Variants in CDK5RAP2 observed in about 807,000 individuals in gnomAD.
CDK5RAP2 encodes CDK5 regulatory subunit associated protein 2.
In CDK5RAP2, 147 loss-of-function variants were observed where a neutral mutation model predicts 232.9. That is an observed-to-expected ratio of 0.63 (90% CI 0.55 to 0.72). The LOEUF (loss-of-function observed/expected upper bound fraction) is 0.72, where lower values mean the gene tolerates loss of function less well. Ranked by LOEUF, CDK5RAP2 falls within the 30% of genes least tolerant of loss-of-function variation. The pLI is 0.00. For missense variants in CDK5RAP2, 2,195 were observed against 2,231.5 expected, an observed-to-expected ratio of 0.98 and a Z score of 0.33; for synonymous variants, 833 against 833.7, an observed-to-expected ratio of 1.00 and a Z score of 0.01.
intron 4 of CDK5RAP2, among the ~76,000 whole-genome samples, chr9:120,548,130 A>G (rs1265043228): frequency 6.6e-5 from 10 of 152,256 alleles, no homozygotes; most frequent in Non-Finnish European, 1.5e-4. Context: ...CAAGAATTAA[A>G]GAAGTCATCT....
intron 12 of CDK5RAP2, among the ~76,000 whole-genome samples, chr9:120,502,607 CGTGAAAATGACCT>C (rs1449438902): frequency 6.6e-6 from 1 of 152,206 alleles, no homozygotes; most frequent in East Asian, 1.9e-4. Flanking sequence ...GAGTTGACAA[CGTGAAAATGACCT>C]GTTACAGAAT....
chr9:120,407,275 T>A, intron 31 of CDK5RAP2, 27 bp from the exon 32 acceptor site: 1 of 1,552,298 alleles, frequency 6.4e-7, no homozygotes, highest in Non-Finnish European at 8.9e-7. Flanking sequence ...AGAGAAGCCC[T>A]GACATCTTCC....
intron 31 of CDK5RAP2, chr9:120,407,612 G>A (rs1261508474): frequency 1.0e-5 from 2 of 193,080 alleles, no homozygotes; most frequent in South Asian, 1.1e-4. Context: ...ACAACAGCAA[G>A]AATAAAAAAA....
intron 2 of CDK5RAP2, among the ~76,000 whole-genome samples, chr9:120,570,218 T>TTCTC (rs1340200672): frequency 6.6e-6 from 1 of 152,060 alleles, no homozygotes; most frequent in African/African-American, 2.4e-5. Flanking sequence ...GCTAGTTTGT[T>TTCTC]TTCCTGTTCC....
intron 27 of CDK5RAP2, among the ~76,000 whole-genome samples, 196 bp downstream of exon 27, chr9:120,419,592 A>T (rs886195987): frequency 6.6e-6 from 1 of 152,220 alleles, no homozygotes; most frequent in African/African-American, 2.4e-5. Context: ...GCTTTTCCCC[A>T]ATCGCCAACA....
At chr9:120,411,288 T>C (rs2033829653) in intron 29 of CDK5RAP2, 70 bp downstream of exon 29, 1 of 941,068 alleles carries the variant, frequency 1.1e-6, no homozygotes, top group Non-Finnish European at 1.8e-6. Flanking sequence ...CAGACTCCAA[T>C]GCCTGCATTC....
At chr9:120,442,278 G>C (rs1057489533) in intron 23 of CDK5RAP2, among the ~76,000 whole-genome samples, 1 of 152,136 alleles carries the variant, frequency 6.6e-6, no homozygotes, top group African/African-American at 2.4e-5. Context: ...GATGCTTCCC[G>C]AAGTAACACT....
intron 17 of CDK5RAP2, 56 bp from the exon 18 acceptor site, chr9:120,468,053 C>T (rs2037484366): frequency 6.3e-7 from 1 of 1,592,244 alleles, no homozygotes; most frequent in Non-Finnish European, 8.6e-7. Context: ...TTCAGCTTCC[C>T]AGGGCCGCAG....
Position 120,453,654 on chromosome 9 carries a change from C to T in CDK5RAP2, c.2595G>A (p.Lys865=). The T allele has an allele frequency of 6.2e-7, 1 of 1,614,198 alleles. No individual in the cohort carries two copies. Among genetic ancestry groups the T allele is most frequent in the South Asian group, 1.1e-5 (1 of 91,086 alleles). The change falls in exon 21 of 38, where the codon AAG becomes AAA. Residue 865 remains lysine, a synonymous_variant. Coordinates refer to ENST00000349780, the MANE Select transcript of CDK5RAP2 (RefSeq NM_018249.6). ...GCACTGAGGCATCTTTCAGTCCTAC[C>T]TTGGGCACTTCGCCTGCCTTTACTA... ...AQLVKAGEVP[K]VGLKDASVQT... is the part of the protein sequence containing the mutation.
intron 7 of CDK5RAP2, 31 bp downstream of exon 7, chr9:120,536,341 T>A (rs1285482734): frequency 6.2e-7 from 1 of 1,611,666 alleles, no homozygotes; most frequent in Non-Finnish European, 8.5e-7. Flanking sequence ...GATAATGTGA[T>A]GTCAGGGTAT....
At chr9:120,405,479 C>T (rs7034272) in intron 32 of CDK5RAP2, among the ~76,000 whole-genome samples, 5,057 of 152,208 alleles carry the variant, frequency 0.033, 296 homozygotes, top group African/African-American at 0.11. Flanking sequence ...AAGCACAGAA[C>T]TGTTCTCCCT....
At chr9:120,446,150 C>G (rs112639067) in intron 22 of CDK5RAP2, among the ~76,000 whole-genome samples, 7 of 152,154 alleles carry the variant, frequency 4.6e-5, no homozygotes, top group Non-Finnish European at 7.4e-5. Context: ...CAAAAGCAAA[C>G]AGAGACAATA....
At position 120,580,035 on chromosome 9, in the gene CDK5RAP2, C is replaced by A; in HGVS notation, c.-57G>T. The stretch of plus-strand genomic sequence containing the variant: ...GTGGCGGCGGCGCCACTAGTACCCC[C>A]CGCGATAGCGACCCGCCGGGCTCCC... On this transcript the variant is annotated 5_prime_UTR_variant, in exon 1 of 38. Coordinates refer to ENST00000349780, the MANE Select transcript of CDK5RAP2 (RefSeq NM_018249.6). 1 of 1,198,914 alleles carries A rather than the reference C, an allele frequency of 8.3e-7. No homozygotes were observed. 74.3% of individuals were successfully genotyped at this position (1,198,914 alleles called of 1,614,324 possible).
At chr9:120,549,286 T>C (rs1219942911) in intron 4 of CDK5RAP2, among the ~76,000 whole-genome samples, 1 of 152,178 alleles carries the variant, frequency 6.6e-6, no homozygotes, top group African/African-American at 2.4e-5. Context: ...CGCTTGCTTA[T>C]ACTATATATA....
intron 36 of CDK5RAP2, among the ~76,000 whole-genome samples, chr9:120,391,411 G>C (rs1323995854): frequency 6.6e-6 from 1 of 152,174 alleles, no homozygotes; most frequent in Non-Finnish European, 1.5e-5. Flanking sequence ...ACAGAGCTGG[G>C]ACTCACATGT....
chr9:120,417,150 C>T (rs113277986), intron 27 of CDK5RAP2, among the ~76,000 whole-genome samples: 3,186 of 151,796 alleles, frequency 0.021, 51 homozygotes, highest in East Asian at 0.04. Context: ...CTGGCGCCCA[C>T]GGCACTGCAC....
At chr9:120,453,420 AAAGT>A in intron 21 of CDK5RAP2, 32 bp downstream of exon 21, 3 of 1,567,874 alleles carry the variant, frequency 1.9e-6, no homozygotes, top group Non-Finnish European at 2.6e-6. Flanking sequence ...TTGTTTGGAT[AAAGT>A]AAGTACATAA....
At chr9:120,462,714 G>A (rs1261117291) in intron 18 of CDK5RAP2, among the ~76,000 whole-genome samples, 3 of 152,188 alleles carry the variant, frequency 2.0e-5, no homozygotes, top group Non-Finnish European at 4.4e-5. Context: ...CCCATAGTGG[G>A]ACAAAATCAG....
At chr9:120,401,255 G>C (rs1237539499) in intron 34 of CDK5RAP2, among the ~76,000 whole-genome samples, 1 of 151,922 alleles carries the variant, frequency 6.6e-6, no homozygotes, top group Non-Finnish European at 1.5e-5. Context: ...TAAATGGTTT[G>C]CCTTTACTGG....
Sources: gnomAD v4.1 joint callset for allele counts (sites outside exome capture counted in the v4.1 genomes callset) on GRCh38, gnomAD v4.1.1 for gene constraint, MANE v1.5 for transcripts, NCBI Gene and HGNC (gene_info 2026-07-23, HGNC 2026-07-21) for gene names.